TVP23A: variants seen among roughly 807,000 people sequenced by gnomAD.
TVP23A encodes trans-golgi network vesicle protein 23 homolog A.
A neutral mutation model predicts 31.7 loss-of-function variants in TVP23A; 21 were observed. That is an observed-to-expected ratio of 0.66 (90% confidence interval 0.47 to 0.95). The LOEUF (loss-of-function observed/expected upper bound fraction) is 0.95, where lower values mean the gene tolerates loss of function less well. Among genes scored for constraint, TVP23A ranks in the 40% least tolerant of loss-of-function variants. TVP23A has a pLI of 0.00. For missense variants in TVP23A, 279 were observed against 255.6 expected, an observed-to-expected ratio of 1.09 and a Z score of -0.62; for synonymous variants, 104 against 96.0, an observed-to-expected ratio of 1.08 and a Z score of -0.49.
At chr16:10,793,710 C>T (rs1282540346) in intron 2 of TVP23A, among the ~76,000 whole-genome samples, 1 of 151,604 alleles carries the variant, frequency 6.6e-6, no homozygotes, top group East Asian at 1.9e-4. Context: ...GCTTGGGAAA[C>T]ATAGGGAGAC....
chr16:10,790,150 T>C (rs1448956573), intron 2 of TVP23A, among the ~76,000 whole-genome samples: 1 of 152,144 alleles, frequency 6.6e-6, no homozygotes, highest in Non-Finnish European at 1.5e-5. Flanking sequence ...TCTTCAGCAT[T>C]GGGAGGGCCT....
rs111974417 is a variant in TVP23A, at chr16:10,794,253, T to C, written c.90-19157A>G. Among the ~76,000 whole-genome samples the C allele has an allele frequency of 4.1e-3, 625 of 152,350 alleles. 4 individuals are homozygous for C. Among genetic ancestry groups the C allele is most frequent in the African/African-American group, 0.014 (582 of 41,574 alleles). ...ACATGCATTTTACAGGGGACAAATA[T>C]TCAAACCATAACAGTGGCAATTCTT... is the stretch of plus-strand genomic sequence containing the variant. On this transcript the variant is annotated intron_variant, in intron 2 of 7. Coordinates refer to ENST00000299866, the MANE Select transcript of TVP23A (RefSeq NM_001079512.4).
chr16:10,809,600 G>A (rs940963368), intron 2 of TVP23A, among the ~76,000 whole-genome samples: 1 of 152,234 alleles, frequency 6.6e-6, no homozygotes, highest in Non-Finnish European at 1.5e-5. Context: ...CTCCCAATGA[G>A]CTGAAGATGC....
chr16:10,757,998 G>A (rs144428828), downstream of TVP23A: 160 of 1,614,072 alleles, frequency 9.9e-5, no homozygotes, highest in Admixed American at 2.8e-4. This position sits in a 1 kb window ranked among gnomAD's most constrained non-coding sequence, Gnocchi z 4.1. Flanking sequence ...AGCACACATC[G>A]ATGGAGCAGT....
intron 2 of TVP23A, among the ~76,000 whole-genome samples, chr16:10,809,702 G>A (rs759188243): frequency 2.6e-5 from 4 of 152,180 alleles, no homozygotes; most frequent in Admixed American, 2.6e-4. Context: ...CTGTACTGTG[G>A]GGGTGCAGTC....
chr16:10,803,112 C>T (rs140862618), intron 2 of TVP23A, among the ~76,000 whole-genome samples: 1,738 of 152,104 alleles, frequency 0.011, 38 homozygotes, highest in African/African-American at 0.04. Flanking sequence ...AGCAAAATCC[C>T]GTCTCTACTA....
chr16:10,779,815 C>T lies in TVP23A; in HGVS notation c.90-4719G>A, dbSNP rs1003364250. Among the ~76,000 whole-genome samples the T allele has an allele frequency of 1.3e-5, 2 of 152,276 alleles. No homozygotes were observed. Among genetic ancestry groups the T allele is most frequent in the South Asian group, 2.1e-4 (1 of 4,826 alleles). On this transcript the variant is annotated intron_variant, in intron 2 of 7. Coordinates refer to ENST00000299866, the MANE Select transcript of TVP23A (RefSeq NM_001079512.4). The surrounding 1 kb of genome is among the most constrained non-coding windows in gnomAD (Gnocchi z 4.9). Reference sequence around the variant, plus strand: ...TCTAAAATAAGTGATTGGCCGGGGGCGGTGGCTCACGCCTGTAATCCCCAG... The same window carrying T: ...TCTAAAATAAGTGATTGGCCGGGGGTGGTGGCTCACGCCTGTAATCCCCAG...
Position 10,768,026 on chromosome 16 carries a change from A to G in TVP23A, c.*1076T>C. The G allele has an allele frequency of 6.8e-6, 11 of 1,613,950 alleles. No individual in the cohort carries two copies. The highest frequency in any genetic ancestry group is 9.3e-6 in the Non-Finnish European group (11 of 1,179,914). ...AGCCACGTTAGCCTACAGAAGTATAATTCAGAGTAAGTATTTCCATGAGTA... is the reference window on the plus strand; with the variant it reads ...AGCCACGTTAGCCTACAGAAGTATAGTTCAGAGTAAGTATTTCCATGAGTA... On this transcript the variant is annotated 3_prime_UTR_variant, in exon 8 of 8. Transcript: ENST00000299866. This position sits in a 1 kb window ranked among gnomAD's most constrained non-coding sequence, Gnocchi z 4.3.
At chr16:10,769,174 C>T (rs774868931) in intron 7 of TVP23A, 73 bp from the exon 8 acceptor site, 1 of 1,450,900 alleles carries the variant, frequency 6.9e-7, no homozygotes. Context: ...TCCAGCCAGA[C>T]CCGACCAGCT....
intron 2 of TVP23A, among the ~76,000 whole-genome samples, chr16:10,813,525 C>T (rs186666866): frequency 6.6e-6 from 1 of 152,302 alleles, no homozygotes; most frequent in African/African-American, 2.4e-5. Flanking sequence ...AGAGAGATCG[C>T]TTGAGTCCAG....
Position 10,770,345 on chromosome 16 carries a change from AG to A in TVP23A, c.583-15del, listed in dbSNP as rs1384928730. 6 of 1,550,736 alleles carry A rather than the reference AG, an allele frequency of 3.9e-6. No homozygotes were observed. Among genetic ancestry groups the A allele is most frequent in the Non-Finnish European group, 5.2e-6 (6 of 1,146,818 alleles). On this transcript the variant is annotated splice_polypyrimidine_tract_variant and intron_variant, in intron 6 of 7. Coordinates refer to ENST00000299866, the MANE Select transcript of TVP23A (RefSeq NM_001079512.4). The stretch of plus-strand genomic sequence containing the variant: ...ACCTGGGCAGGCCTGCAAGGGGAAA[AG>A]TCAACCATGGTTTTCTGTCCTTACA...
downstream of TVP23A, among the ~76,000 whole-genome samples, chr16:10,759,403 G>A (rs1258672842): frequency 6.6e-6 from 1 of 152,226 alleles, no homozygotes; most frequent in Non-Finnish European, 1.5e-5. This position sits in a 1 kb window ranked among gnomAD's most constrained non-coding sequence, Gnocchi z 4.7. Flanking sequence ...GGACAGGAGG[G>A]AGGATGGCCT....
At position 10,768,991 on chromosome 16, in the gene TVP23A, G is replaced by A; in HGVS notation, c.*111C>T. 2 of 1,510,200 alleles carry A rather than the reference G, an allele frequency of 1.3e-6. No homozygotes were observed. The highest frequency in any genetic ancestry group is 1.7e-4 in the Middle Eastern group (1 of 5,860). 93.5% of individuals were successfully genotyped at this position (1,510,200 alleles called of 1,614,324 possible). On this transcript the variant is annotated 3_prime_UTR_variant, in exon 8 of 8. Transcript: ENST00000299866. This position sits in a 1 kb window ranked among gnomAD's most constrained non-coding sequence, Gnocchi z 4.3. ...ACAGCCCTCCCCAGCACAGGACAGG[G>A]CTGTCAAGGGGTAGACAAGCCATTA...
At chr16:10,803,245 C>CCG (rs71404425) in intron 2 of TVP23A, among the ~76,000 whole-genome samples, 1 of 135,378 alleles carries the variant, frequency 7.4e-6, no homozygotes, top group Admixed American at 7.7e-5. Context: ...GATCGCGCCA[C>CCG]TGTGTGTGTG....
In TVP23A at chr16:10,816,872, A is replaced by C. The variant is rs149870424; in HGVS notation, c.89+1231T>G. Among the ~76,000 whole-genome samples, 317 of 151,904 alleles carry C rather than the reference A, an allele frequency of 2.1e-3. 2 individuals carry two copies. The highest frequency in any genetic ancestry group is 7.1e-3 in the African/African-American group (295 of 41,332). On this transcript the variant is annotated intron_variant, in intron 2 of 7. Coordinates refer to ENST00000299866, the MANE Select transcript of TVP23A (RefSeq NM_001079512.4). ...CATGTACCCTAAAACTTAAAGTACA[A>C]TAATAATAAAAAATAAATAAAATAA...
At chr16:10,762,813 G>T (rs1352714592), downstream of TVP23A, among the ~76,000 whole-genome samples, 1 of 148,708 alleles carries the variant, frequency 6.7e-6, no homozygotes, top group Non-Finnish European at 1.5e-5. Flanking sequence ...GGGGCCGCGT[G>T]CTTGGGGAGA....
rs115505381 is a variant in TVP23A at position 10,773,517 on chromosome 16, T to C, written c.325-76A>G. On this transcript the variant is annotated intron_variant, in intron 4 of 7. Coordinates refer to ENST00000299866, the MANE Select transcript of TVP23A (RefSeq NM_001079512.4). ...ACGAGCGTGCTCACATTTTCATTTA[T>C]TTTATTTTGCAGATGCTTTTGTTGC... 4.8e-4 allele frequency: 711 copies of C among 1,486,888 alleles called. 2 individuals carry two copies. The African/African-American group carries it at 9.2e-3, about 19-fold the overall frequency. 92.1% of individuals were successfully genotyped at this position (1,486,888 alleles called of 1,614,324 possible). A position where few individuals can be genotyped will look rare whatever the true frequency, so the allele number is the denominator to read the frequency against.
intron 2 of TVP23A, 45 bp from the exon 3 acceptor site, chr16:10,775,141 G>A (rs1398558682): frequency 6.4e-7 from 1 of 1,571,662 alleles, no homozygotes; most frequent in Non-Finnish European, 8.6e-7. Flanking sequence ...GAGCTAAGCG[G>A]ATGGTCACTG....
downstream of TVP23A, among the ~76,000 whole-genome samples, chr16:10,760,348 T>G (rs1026456679): frequency 2.0e-5 from 3 of 152,212 alleles, no homozygotes; most frequent in Non-Finnish European, 2.9e-5. Flanking sequence ...ACCAGCCAGA[T>G]TCAGCCCCCA....
Sources: gnomAD v4.1 joint callset for allele counts (sites outside exome capture counted in the v4.1 genomes callset) on GRCh38, gnomAD v4.1.1 for gene constraint, Gnocchi (gnomAD v3.1) non-coding constraint, MANE v1.5 for transcripts, NCBI Gene and HGNC (gene_info 2026-07-23, HGNC 2026-07-21) for gene names.